Variants in SIPA1L2 observed in about 807,000 individuals in gnomAD.
SIPA1L2 encodes signal induced proliferation associated 1 like 2.
A neutral mutation model predicts 163.9 loss-of-function variants in SIPA1L2; 56 were observed. That is an observed-to-expected ratio of 0.34 (90% CI 0.28 to 0.43). SIPA1L2 has a LOEUF of 0.43. SIPA1L2 is among the 20% of genes least tolerant of loss of function. The pLI is 1.00. For synonymous variants in SIPA1L2, 877 were observed against 865.7 expected (o/e 1.01, Z -0.23); for missense variants, 1,974 against 2,193.5 (o/e 0.90, Z 2.00).
chr1:232,530,041 A>G (rs1370923871), intron 2 of SIPA1L2, among the ~76,000 whole-genome samples: 1 of 152,090 alleles, frequency 6.6e-6, no homozygotes, highest in Non-Finnish European at 1.5e-5. Context: ...TTGAAGGTGA[A>G]CCAACCTGTT....
chr1:232,495,180 T>C (rs73095158), intron 3 of SIPA1L2, among the ~76,000 whole-genome samples: 1,572 of 152,344 alleles, frequency 0.01, 31 homozygotes, highest in African/African-American at 0.036. Flanking sequence ...ATCATTTACC[T>C]ATTTGCTGTT....
chr1:232,627,650 T>C (rs1025637122), intron 1 of SIPA1L2, among the ~76,000 whole-genome samples: 1 of 152,186 alleles, frequency 6.6e-6, no homozygotes, highest in African/African-American at 2.4e-5. Flanking sequence ...TTCCATACAA[T>C]TAAAGCTCTT....
chr1:232,512,727 C>T (rs1279036721), intron 3 of SIPA1L2, among the ~76,000 whole-genome samples: 1 of 152,084 alleles, frequency 6.6e-6, no homozygotes, highest in Non-Finnish European at 1.5e-5. Flanking sequence ...TTGACAGGTG[C>T]AGCAAACCAC....
chr1:232,622,055 C>T (rs967413590), intron 1 of SIPA1L2, among the ~76,000 whole-genome samples: 19 of 152,180 alleles, frequency 1.2e-4, no homozygotes, highest in African/African-American at 4.3e-4. Flanking sequence ...GAAAAATGAC[C>T]TATTATTCCA....
chr1:232,520,860 T>C (rs982586698), intron 2 of SIPA1L2, among the ~76,000 whole-genome samples: 13 of 152,104 alleles, frequency 8.5e-5, no homozygotes, highest in Non-Finnish European at 1.8e-4. Flanking sequence ...CTAAAATGCA[T>C]TTACCAAAAA....
chr1:232,555,007 G>A (rs1658614193), intron 2 of SIPA1L2, among the ~76,000 whole-genome samples: 1 of 152,146 alleles, frequency 6.6e-6, no homozygotes, highest in Admixed American at 6.5e-5. Flanking sequence ...ACAAGAAATT[G>A]AGTTTACAAA....
chr1:232,581,295 C>T lies in SIPA1L2; in HGVS notation c.-318-7073G>A, dbSNP rs540950882. Among the ~76,000 whole-genome samples, 8 of 152,236 alleles carry T rather than the reference C, an allele frequency of 5.3e-5. No homozygotes were observed. In the South Asian group the frequency reaches 1.7e-3, roughly 32 times the overall value. On this transcript the variant is annotated intron_variant, in intron 1 of 22. Coordinates refer to ENST00000674635, the MANE Select transcript of SIPA1L2 (RefSeq NM_020808.5). ...GTGCAGGCCATGGCAAGGTCATATA[C>T]GGTTTTCTCTGGGATGATGTCGGGA...
intron 1 of SIPA1L2, among the ~76,000 whole-genome samples, chr1:232,597,163 TC>T (rs1661298144): frequency 6.6e-6 from 1 of 152,224 alleles, no homozygotes; most frequent in East Asian, 1.9e-4. Context: ...CAATTTCACT[TC>T]CCAAAAGGGC....
chr1:232,541,695 C>T (rs1184465468), intron 2 of SIPA1L2, among the ~76,000 whole-genome samples: 1 of 152,050 alleles, frequency 6.6e-6, no homozygotes, highest in East Asian at 1.9e-4. Flanking sequence ...TGATATTTAA[C>T]AAAAAGAAAG....
intron 2 of SIPA1L2, among the ~76,000 whole-genome samples, chr1:232,518,039 C>T (rs1667291618): frequency 6.6e-6 from 1 of 152,004 alleles, no homozygotes; most frequent in Non-Finnish European, 1.5e-5. Flanking sequence ...AAAGTGAGAT[C>T]CCATCTCAAA....
At chr1:232,567,651 T>C (rs1659483421) in intron 2 of SIPA1L2, among the ~76,000 whole-genome samples, 1 of 152,200 alleles carries the variant, frequency 6.6e-6, no homozygotes, top group Non-Finnish European at 1.5e-5. Flanking sequence ...ACTGTGATAG[T>C]GTAAAATATA....
intron 21 of SIPA1L2, 61 bp from the exon 22 acceptor site, chr1:232,402,534 C>T (rs1660408849): frequency 6.9e-7 from 1 of 1,445,874 alleles, no homozygotes; most frequent in African/African-American, 1.4e-5. Context: ...TTTTGTTGGT[C>T]AAGTTTTCAC....
In SIPA1L2 at chr1:232,465,062, C is replaced by T. The variant is rs767882117; in HGVS notation, c.2598G>A (p.Gln866=). 12 of 1,614,182 alleles carry T rather than the reference C, an allele frequency of 7.4e-6. No individual in the cohort carries two copies. The South Asian group carries it at 1.2e-4, about 16-fold the overall frequency. ...MWHVIARDFG[Q]SADIECLLGI... ...CGAGAAGACATTCAATGTCAGCAGA[C>T]TGGCCGAAGTCCCGGGCTATCACGT... Residue 866 remains glutamine, a synonymous_variant, in exon 9 of 23, where the codon CAG becomes CAA. Transcript: ENST00000674635. This position sits in a 1 kb window ranked among gnomAD's most constrained non-coding sequence, Gnocchi z 4.1.
intron 9 of SIPA1L2, chr1:232,462,334 G>A: frequency 1.9e-6 from 3 of 1,541,176 alleles, no homozygotes; most frequent in Admixed American, 2.0e-5. Context: ...AATGTATGAA[G>A]TTTCAGTTTA....
chr1:232,609,852 GA>G (rs1201984757), intron 1 of SIPA1L2, among the ~76,000 whole-genome samples: 1 of 146,394 alleles, frequency 6.8e-6, no homozygotes, highest in Non-Finnish European at 1.5e-5. Flanking sequence ...AAAAGAAAAA[GA>G]AAAAAGAAAA....
chr1:232,435,475 T>C (rs1004918669), intron 15 of SIPA1L2, among the ~76,000 whole-genome samples: 1 of 152,208 alleles, frequency 6.6e-6, no homozygotes, highest in African/African-American at 2.4e-5. Flanking sequence ...CACAAACTTT[T>C]CATGAATTCT....
intron 2 of SIPA1L2, among the ~76,000 whole-genome samples, chr1:232,547,521 C>T (rs1266164249): frequency 8.6e-6 from 1 of 116,256 alleles, no homozygotes; most frequent in African/African-American, 3.3e-5. Context: ...CCAGAGCCAT[C>T]GTTTTCACAG....
At chr1:232,497,919 C>T (rs192105965) in intron 3 of SIPA1L2, among the ~76,000 whole-genome samples, 204 of 152,314 alleles carry the variant, frequency 1.3e-3, no homozygotes, top group Non-Finnish European at 2.1e-3. Flanking sequence ...TCTCACAAAT[C>T]CCCTGACTCA....
At chr1:232,510,345 T>C (rs1666926484) in intron 3 of SIPA1L2, among the ~76,000 whole-genome samples, 1 of 152,172 alleles carries the variant, frequency 6.6e-6, no homozygotes, top group Non-Finnish European at 1.5e-5. Context: ...CATATCCCTG[T>C]TGTTAACTGA....
Sources: allele counts gnomAD v4.1 joint callset (sites outside exome capture counted in the v4.1 genomes callset), GRCh38; gene constraint gnomAD v4.1.1; non-coding constraint Gnocchi (gnomAD v3.1); transcripts MANE v1.5; gene names NCBI Gene and HGNC (gene_info 2026-07-23, HGNC 2026-07-21).